The following KALRN variants were observed in gnomAD, a reference collection of about 807,000 sequenced individuals.
KALRN encodes the protein kalirin RhoGEF kinase.
KALRN carries 70 observed loss-of-function variants against 353.7 expected under a neutral mutation model. The observed-to-expected ratio is 0.20, with a 90% CI of 0.16 to 0.24. The LOEUF (loss-of-function observed/expected upper bound fraction) is 0.24, where lower values mean the gene tolerates loss of function less well. KALRN is among the 10% of genes least tolerant of loss of function. KALRN has a pLI of 1.00. For synonymous variants in KALRN, 1,391 were observed against 1,434.8 expected (o/e 0.97, Z 0.69); for missense variants, 2,791 against 3,756.7 (o/e 0.74, Z 6.72).
intron 1 of KALRN, among the ~76,000 whole-genome samples, chr3:124,126,224 G>A (rs1417040219): frequency 6.6e-6 from 1 of 151,714 alleles, no homozygotes. Context: ...TTAATCATGA[G>A]TGAAATTTTC....
At position 124,667,203 on chromosome 3, in the gene KALRN, C is replaced by T. The variant is rs1172530453; in HGVS notation, c.6703+20C>T. On this transcript the variant is annotated intron_variant, in intron 47 of 59. Transcript: ENST00000682506. ...TGAATGGTGGGTGCTGGGCTTGGTT[C>T]CTTGCAGGGCTGTGTCAGGGGACTC... 1 of 1,605,084 alleles carries T rather than the reference C, an allele frequency of 6.2e-7. No homozygotes were observed. The highest frequency in any genetic ancestry group is 8.5e-7 in the Non-Finnish European group (1 of 1,173,688).
chr3:124,414,090 T>A, intron 14 of KALRN, among the ~76,000 whole-genome samples: 1 of 148,170 alleles, frequency 6.7e-6, no homozygotes, highest in African/African-American at 2.5e-5. Flanking sequence ...TGGGCAAGAG[T>A]CAGATGAAAA....
At chr3:124,688,885 C>T (rs867516945) in intron 51 of KALRN, among the ~76,000 whole-genome samples, 5 of 152,194 alleles carry the variant, frequency 3.3e-5, no homozygotes, top group Admixed American at 3.3e-4. Context: ...TAACTCTTTC[C>T]TCTTACCTGA....
At chr3:124,622,565 C>T (rs940258506) in intron 34 of KALRN, among the ~76,000 whole-genome samples, 1 of 152,108 alleles carries the variant, frequency 6.6e-6, no homozygotes, top group Admixed American at 6.5e-5. Flanking sequence ...TTGTGATGCC[C>T]GCAATCCATG....
chr3:124,339,652 T>C lies in KALRN; in HGVS notation c.1647+5157T>C, dbSNP rs140177149. Among the ~76,000 whole-genome samples, 904 of 152,282 alleles carry C rather than the reference T, an allele frequency of 5.9e-3. 4 individuals are homozygous for C. Among genetic ancestry groups the C allele is most frequent in the Non-Finnish European group, 9.8e-3 (665 of 68,014 alleles). ...ATGTGGCAGACTCTCCTGAGTGCTC[T>C]TCACACTGTGTGTACTTGAACCTTT... On this transcript the variant is annotated intron_variant, in intron 9 of 59. Coordinates refer to ENST00000682506, the MANE Select transcript of KALRN (RefSeq NM_001388419.1).
chr3:124,700,121 C>A (rs1176262912), intron 56 of KALRN, 88 bp downstream of exon 56: 3 of 1,310,640 alleles, frequency 2.3e-6, no homozygotes, highest in South Asian at 1.3e-5. Context: ...GTTGACATGT[C>A]AGGCCACCAT....
At chr3:124,268,555 G>A in intron 4 of KALRN, 188 bp from the exon 5 acceptor site, 7 of 617,584 alleles carry the variant, frequency 1.1e-5, no homozygotes, top group Non-Finnish European at 2.0e-5. Flanking sequence ...TCAGCAGTCT[G>A]TAGAAACTGC....
chr3:124,689,932 G>A (rs1306614338), intron 51 of KALRN, among the ~76,000 whole-genome samples: 2 of 152,172 alleles, frequency 1.3e-5, no homozygotes, highest in South Asian at 2.1e-4. Context: ...AGACTTAGAG[G>A]TACCTACAGC....
Position 124,637,310 on chromosome 3 carries a change from G to A in KALRN, c.5664+7G>A, listed in dbSNP as rs1424057499. The stretch of plus-strand genomic sequence containing the variant: ...GTTGGTCAAAAACAAGCTGGTAAGT[G>A]GGGGTCCTGGAGGCAGTTCTGTGTG... On this transcript the variant is annotated splice_region_variant and intron_variant, in intron 37 of 59. Coordinates refer to ENST00000682506, the MANE Select transcript of KALRN (RefSeq NM_001388419.1). 1 of 1,608,594 alleles carries A rather than the reference G, an allele frequency of 6.2e-7. No homozygotes were observed. The highest frequency in any genetic ancestry group is 1.3e-5 in the African/African-American group (1 of 74,800).
intron 8 of KALRN, among the ~76,000 whole-genome samples, chr3:124,332,120 T>C (rs1270553107): frequency 6.6e-6 from 1 of 152,088 alleles, no homozygotes; most frequent in Non-Finnish European, 1.5e-5. Flanking sequence ...GGCAGTCAAT[T>C]ATGGGAGATG....
At chr3:124,495,749 AAAG>A (rs1330496413) in intron 32 of KALRN, among the ~76,000 whole-genome samples, 3 of 147,234 alleles carry the variant, frequency 2.0e-5, no homozygotes, top group Admixed American at 1.4e-4. Context: ...AAAAAAAAAA[AAAG>A]AAGAAGAAAT....
At chr3:124,586,715 G>A (rs1389229260) in intron 34 of KALRN, among the ~76,000 whole-genome samples, 1 of 152,192 alleles carries the variant, frequency 6.6e-6, no homozygotes, top group East Asian at 1.9e-4. Context: ...AATGAGACCA[G>A]TTTAAAAGGG....
intron 28 of KALRN, among the ~76,000 whole-genome samples, chr3:124,486,975 C>G (rs2062633650): frequency 6.6e-6 from 1 of 152,168 alleles, no homozygotes; most frequent in Non-Finnish European, 1.5e-5. Context: ...CTAGATAAGT[C>G]CTCTCTTGCT....
rs1031039993 is a variant in KALRN at position 124,347,149 on chromosome 3, G to A, written c.1654G>A (p.Asp552Asn). 1.2e-6 allele frequency: 2 copies of A among 1,614,000 alleles called. No individual in the cohort carries two copies. Among genetic ancestry groups the A allele is most frequent in the South Asian group, 1.1e-5 (1 of 91,086 alleles). ...VFQQDVQQVL[D>N]WIENHGEAFL... Reference sequence around the variant, plus strand: ...GTTATCCTTCTTTGACCAGGTGTTGGACTGGATTGAAAACCATGGTGAGGC... The same window carrying A: ...GTTATCCTTCTTTGACCAGGTGTTGAACTGGATTGAAAACCATGGTGAGGC... Residue 552 changes from aspartate (D) to asparagine (N), a missense_variant, in exon 10 of 60, where the codon GAC becomes AAC. Transcript: ENST00000682506.
chr3:124,528,275 G>T (rs1474802530), intron 33 of KALRN, among the ~76,000 whole-genome samples: 2 of 152,174 alleles, frequency 1.3e-5, no homozygotes, highest in Non-Finnish European at 2.9e-5. Context: ...AGGGGACCCA[G>T]TGAAGAGGTG....
At chr3:124,496,847 A>G (rs2063908792) in intron 33 of KALRN, among the ~76,000 whole-genome samples, 2 of 152,284 alleles carry the variant, frequency 1.3e-5, no homozygotes, top group South Asian at 4.1e-4. Context: ...CTCATCTCAA[A>G]GTTAGACCAA....
chr3:124,342,211 G>T (rs1172059028), intron 9 of KALRN, among the ~76,000 whole-genome samples: 2 of 151,280 alleles, frequency 1.3e-5, no homozygotes, highest in Non-Finnish European at 2.9e-5. Flanking sequence ...GTATAATTTT[G>T]TTATATACGT....
At chr3:124,454,871 A>G (rs1161032712) in intron 21 of KALRN, among the ~76,000 whole-genome samples, 1 of 152,200 alleles carries the variant, frequency 6.6e-6, no homozygotes, top group African/African-American at 2.4e-5. Flanking sequence ...ACACCATGTT[A>G]TATAAGGAAC....
At chr3:124,237,583 G>T (rs2079942453) in intron 3 of KALRN, among the ~76,000 whole-genome samples, 1 of 151,976 alleles carries the variant, frequency 6.6e-6, no homozygotes, top group Non-Finnish European at 1.5e-5. Flanking sequence ...GGCTGGTCTC[G>T]AACTCCTGAC....
Sources: allele counts gnomAD v4.1 joint callset (sites outside exome capture counted in the v4.1 genomes callset), GRCh38; gene constraint gnomAD v4.1.1; transcripts MANE v1.5; gene names NCBI Gene and HGNC (gene_info 2026-07-23, HGNC 2026-07-21).